The following EYS variants were observed in gnomAD, a reference collection of about 807,000 sequenced individuals.
EYS encodes protein eyes shut homolog.
Under a neutral mutation model 282.1 loss-of-function variants are expected in EYS, and 250 were observed. That is an observed-to-expected ratio of 0.89 (90% CI 0.80 to 0.98). EYS has a LOEUF of 0.98. Ranked by LOEUF, EYS falls within the 50% of genes least tolerant of loss-of-function variation. The pLI, the probability that EYS is intolerant of heterozygous loss-of-function variation, is 0.00. For synonymous variants in EYS, 1,355 were observed against 1,282.9 expected, an observed-to-expected ratio of 1.06 and a Z score of -1.20; for missense variants, 4,016 against 3,709.0, an observed-to-expected ratio of 1.08 and a Z score of -2.15.
chr6:65,045,778 G>T (rs891379907), intron 13 of EYS, among the ~76,000 whole-genome samples: 4 of 151,816 alleles, frequency 2.6e-5, no homozygotes, highest in Admixed American at 6.6e-5. Context: ...TGTCCTAGAG[G>T]GTTTGGCTCA....
At chr6:64,702,667 A>G (rs987732345) in intron 22 of EYS, among the ~76,000 whole-genome samples, 4 of 152,084 alleles carry the variant, frequency 2.6e-5, no homozygotes, top group Admixed American at 6.6e-5. Context: ...TTATACTATC[A>G]AGTGCCATAA....
chr6:63,821,885 A>C (rs1771334278), intron 36 of EYS: 1 of 152,222 alleles, frequency 6.6e-6, no homozygotes, highest in Non-Finnish European at 1.5e-5. Flanking sequence ...ACTGTTCCAC[A>C]AGACAAGGAT....
At chr6:64,497,506 CAA>C (rs774575269) in intron 26 of EYS, among the ~76,000 whole-genome samples, 50 of 151,900 alleles carry the variant, frequency 3.3e-4, no homozygotes, top group Non-Finnish European at 6.6e-4. Flanking sequence ...AACCCACTGA[CAA>C]GAGCAGGATT....
At chr6:65,158,240 T>G (rs1311050115) in intron 12 of EYS, among the ~76,000 whole-genome samples, 3 of 150,870 alleles carry the variant, frequency 2.0e-5, no homozygotes, top group African/African-American at 4.8e-5. Context: ...ACCAAATATT[T>G]TAGAAGAAGA....
chr6:64,423,655 A>T (rs1403587121), intron 28 of EYS, among the ~76,000 whole-genome samples: 1 of 152,130 alleles, frequency 6.6e-6, no homozygotes, highest in Non-Finnish European at 1.5e-5. Flanking sequence ...TAAGAATACA[A>T]AAATTAGCCA....
chr6:65,617,715 A>G (rs1184606969), intron 2 of EYS, among the ~76,000 whole-genome samples: 1 of 59,976 alleles, frequency 1.7e-5, no homozygotes, highest in African/African-American at 6.4e-5. Context: ...CCCCCACCCC[A>G]CCACAATCCC....
chr6:64,050,540 GC>G, intron 33 of EYS, among the ~76,000 whole-genome samples: 1 of 152,200 alleles, frequency 6.6e-6, no homozygotes, highest in Non-Finnish European at 1.5e-5. Context: ...TATCCTAAAT[GC>G]CCTTACTGTG....
intron 12 of EYS, among the ~76,000 whole-genome samples, chr6:65,062,951 C>A (rs1252342606): frequency 6.6e-6 from 1 of 152,068 alleles, no homozygotes; most frequent in Non-Finnish European, 1.5e-5. Flanking sequence ...AATTAGCACA[C>A]AATAGCAAGT....
intron 37 of EYS, among the ~76,000 whole-genome samples, chr6:63,799,459 G>A (rs911170071): frequency 4.6e-5 from 7 of 151,824 alleles, no homozygotes; most frequent in African/African-American, 1.5e-4. Flanking sequence ...ACTACAATCC[G>A]AATCAATCAA....
intron 5 of EYS, among the ~76,000 whole-genome samples, chr6:65,439,439 A>C (rs1342743619): frequency 6.6e-6 from 1 of 152,108 alleles, no homozygotes; most frequent in Non-Finnish European, 1.5e-5. Context: ...TACCTTGGGC[A>C]GCATGGCCAT....
intron 30 of EYS, among the ~76,000 whole-genome samples, chr6:64,257,739 A>C (rs910282430): frequency 2.0e-5 from 3 of 151,420 alleles, no homozygotes; most frequent in Non-Finnish European, 4.4e-5. Context: ...AGGAATGCTC[A>C]CACCGCTGCT....
intron 24 of EYS, among the ~76,000 whole-genome samples, chr6:64,598,320 C>A (rs550168525): frequency 6.6e-6 from 1 of 152,032 alleles, no homozygotes; most frequent in African/African-American, 2.4e-5. Context: ...AATTAGCCGG[C>A]CTTGGTGGCG....
intron 4 of EYS, among the ~76,000 whole-genome samples, chr6:65,494,426 C>T (rs576188121): frequency 6.6e-6 from 1 of 151,720 alleles, no homozygotes; most frequent in South Asian, 2.1e-4. Flanking sequence ...TACAGGCGCC[C>T]TCCACCATGC....
chr6:64,271,772 G>A (rs191139246), intron 30 of EYS, among the ~76,000 whole-genome samples: 125 of 151,828 alleles, frequency 8.2e-4, no homozygotes, highest in Admixed American at 4.3e-3. Flanking sequence ...ATGTATGTCC[G>A]TCTGTTGTTC....
chr6:65,354,885 T>C (rs1000623781), intron 8 of EYS, among the ~76,000 whole-genome samples: 1 of 152,056 alleles, frequency 6.6e-6, no homozygotes, highest in African/African-American at 2.4e-5. Context: ...TTTAATTATA[T>C]TAAATGATTA....
chr6:64,879,564 C>T (rs1428305700), intron 19 of EYS, among the ~76,000 whole-genome samples: 2 of 150,914 alleles, frequency 1.3e-5, no homozygotes, highest in Non-Finnish European at 1.5e-5. Context: ...GCAGAATGCG[C>T]TAAAAATATT....
At chr6:64,882,700 T>C (rs1324827804) in intron 19 of EYS, among the ~76,000 whole-genome samples, 2 of 151,616 alleles carry the variant, frequency 1.3e-5, no homozygotes, top group Admixed American at 6.6e-5. Flanking sequence ...AATTAGAAAT[T>C]TGAAGTTGCT....
intron 26 of EYS, among the ~76,000 whole-genome samples, chr6:64,512,420 AAG>A (rs1341678518): frequency 6.6e-6 from 1 of 152,004 alleles, no homozygotes; most frequent in Non-Finnish European, 1.5e-5. Flanking sequence ...AGGCTGAGGA[AAG>A]AGCACTTATT....
At chr6:63,992,590 A>G (rs952829653) in intron 34 of EYS, among the ~76,000 whole-genome samples, 1 of 151,838 alleles carries the variant, frequency 6.6e-6, no homozygotes, top group African/African-American at 2.4e-5. Flanking sequence ...TGCTATAGCT[A>G]TAAAATATGT....
Sources: gnomAD v4.1 joint callset for allele counts (sites outside exome capture counted in the v4.1 genomes callset) on GRCh38, gnomAD v4.1.1 for gene constraint, MANE v1.5 for transcripts, NCBI Gene and HGNC (gene_info 2026-07-23, HGNC 2026-07-21) for gene names.